The following TNS1 variants were observed in gnomAD, a reference collection of about 807,000 sequenced individuals.
TNS1 encodes the protein tensin 1.
TNS1 carries 62 observed loss-of-function variants against 168.6 expected under a neutral mutation model. That is an observed-to-expected ratio of 0.37 (90% CI 0.30 to 0.45). TNS1 has a LOEUF of 0.45. Ranked by LOEUF, TNS1 falls within the 20% of genes least tolerant of loss-of-function variation. The pLI, the probability that TNS1 is intolerant of heterozygous loss-of-function variation, is 1.00. For synonymous variants in TNS1, 934 were observed against 933.2 expected (o/e 1.00, Z -0.02); for missense variants, 2,240 against 2,339.4 (o/e 0.96, Z 0.88).
rs1377729274 is a variant in TNS1 at position 217,802,839 on chromosome 2, GTATATAT to G, written c.*1613_*1619del. 1.3e-5 allele frequency: 2 copies of G among 152,626 alleles called. No homozygotes were observed. Among genetic ancestry groups the G allele is most frequent in the Non-Finnish European group, 2.9e-5 (2 of 68,052 alleles). 9.5% of individuals were successfully genotyped at this position (152,626 alleles called of 1,614,324 possible). On this transcript the variant is annotated 3_prime_UTR_variant, in exon 33 of 33. Coordinates refer to ENST00000682258, the MANE Select transcript of TNS1 (RefSeq NM_001387777.1). ...TACAGATTCTGTCAGTATGTCTCAT[GTATATAT>G]TATATAATATTTATATATCAGTACA... is the stretch of plus-strand genomic sequence containing the variant.
At chr2:218,021,838 T>A (rs1482392673) in intron 1 of TNS1, among the ~76,000 whole-genome samples, 3 of 152,186 alleles carry the variant, frequency 2.0e-5, no homozygotes, top group African/African-American at 7.2e-5. Flanking sequence ...TGGTCTATTT[T>A]TAGCCAGGAC....
intron 1 of TNS1, among the ~76,000 whole-genome samples, chr2:218,024,747 CTG>C (rs1958838066): frequency 6.6e-6 from 1 of 152,152 alleles, no homozygotes; most frequent in South Asian, 2.1e-4. Flanking sequence ...GTGTAGAAGG[CTG>C]TGTCCAGGGG....
chr2:217,998,219 G>GTCTCTCTC (rs1173660793), intron 1 of TNS1, among the ~76,000 whole-genome samples: 2 of 97,070 alleles, frequency 2.1e-5, no homozygotes, highest in African/African-American at 8.6e-5. Context: ...CTCTCCATCA[G>GTCTCTCTC]TGTCTCTCTC....
At chr2:217,966,554 G>C (rs1957647241) in intron 3 of TNS1, among the ~76,000 whole-genome samples, 1 of 152,098 alleles carries the variant, frequency 6.6e-6, no homozygotes, top group African/African-American at 2.4e-5. Context: ...GGCAAACACG[G>C]GCTCCACAAG....
intron 3 of TNS1, among the ~76,000 whole-genome samples, chr2:217,974,073 A>G (rs1957833721): frequency 6.6e-6 from 1 of 152,270 alleles, no homozygotes; most frequent in East Asian, 1.9e-4. Context: ...TGAACATTCA[A>G]GAACAGGCAA....
At chr2:217,886,673 G>A (rs905722054) in intron 12 of TNS1, 27 bp from the exon 13 acceptor site, 4 of 1,525,678 alleles carry the variant, frequency 2.6e-6, no homozygotes, top group African/African-American at 1.4e-5. Context: ...AGCAGCTTCA[G>A]GGAGTGAGGT....
At chr2:217,822,487 C>A (rs895515729) in intron 22 of TNS1, among the ~76,000 whole-genome samples, 1 of 152,138 alleles carries the variant, frequency 6.6e-6, no homozygotes, top group Admixed American at 6.5e-5. Flanking sequence ...ACTCACCAGC[C>A]CCTTTGATGC....
chr2:218,015,806 C>T (rs1237034999), intron 1 of TNS1, among the ~76,000 whole-genome samples: 1 of 152,122 alleles, frequency 6.6e-6, no homozygotes, highest in African/African-American at 2.4e-5. Context: ...GGGGATCCCA[C>T]AGGCCAGAGC....
At chr2:217,967,643 A>T (rs893776856) in intron 3 of TNS1, among the ~76,000 whole-genome samples, 1 of 152,208 alleles carries the variant, frequency 6.6e-6, no homozygotes, top group African/African-American at 2.4e-5. Flanking sequence ...TAGACCTATA[A>T]TAAATAAAGA....
Position 217,996,435 on chromosome 2 carries a change from G to T in TNS1, c.34-5379C>A, listed in dbSNP as rs188391424. 4.7e-3 allele frequency among the ~76,000 whole-genome samples: 708 copies of T among 152,178 alleles called. 4 individuals carry two copies. The highest frequency in any genetic ancestry group is 0.016 in the African/African-American group (672 of 41,518). On this transcript the variant is annotated intron_variant, in intron 1 of 32. Transcript: ENST00000682258. ...CCAGTGGGGCTGCCGGCTGGCTTCT[G>T]GGAGTCCCATGGGCACCTCAAATCC...
intron 3 of TNS1, 87 bp downstream of exon 3, chr2:217,978,678 G>T: frequency 1.7e-6 from 1 of 588,982 alleles, no homozygotes; most frequent in Non-Finnish European, 3.1e-6. Flanking sequence ...CACCGCCCCC[G>T]CCCCGCCGGC....
intron 3 of TNS1, among the ~76,000 whole-genome samples, chr2:217,966,308 T>TGTGTGCGTGC (rs372273499): frequency 7.5e-6 from 1 of 133,674 alleles, no homozygotes; most frequent in African/African-American, 2.9e-5. Context: ...TGTGTGTGTG[T>TGTGTGCGTGC]GCGCGCGCGC....
At chr2:217,832,405 G>A (rs540764743) in intron 21 of TNS1, among the ~76,000 whole-genome samples, 15 of 152,324 alleles carry the variant, frequency 9.8e-5, no homozygotes, top group African/African-American at 3.1e-4. Context: ...GCCCAGTCAC[G>A]AGATACCTGG....
chr2:218,016,520 G>A (rs770745140), intron 1 of TNS1, among the ~76,000 whole-genome samples: 1 of 152,186 alleles, frequency 6.6e-6, no homozygotes, highest in Non-Finnish European at 1.5e-5. Flanking sequence ...TTACTGCAGT[G>A]TGAGAAGGAG....
At chr2:217,850,819 CCA>C (rs1947382875) in intron 18 of TNS1, among the ~76,000 whole-genome samples, 1 of 152,146 alleles carries the variant, frequency 6.6e-6, no homozygotes, top group Non-Finnish European at 1.5e-5. Context: ...ATGCCAAGAA[CCA>C]CAGTCAGACA....
chr2:217,845,585 G>A (rs915112226), intron 19 of TNS1, among the ~76,000 whole-genome samples: 1 of 152,342 alleles, frequency 6.6e-6, no homozygotes, highest in African/African-American at 2.4e-5. Flanking sequence ...GTCACTCCCA[G>A]TTGATGGAGG....
intron 12 of TNS1, among the ~76,000 whole-genome samples, chr2:217,888,009 T>G (rs1301724166): frequency 6.6e-6 from 1 of 152,208 alleles, no homozygotes; most frequent in Non-Finnish European, 1.5e-5. Flanking sequence ...GATCCCCTCC[T>G]GTCTCTTGGC....
chr2:217,948,132 A>G lies in TNS1; in HGVS notation c.187-27896T>C, dbSNP rs1957158312. On this transcript the variant is annotated intron_variant, in intron 3 of 32. Coordinates refer to ENST00000682258, the MANE Select transcript of TNS1 (RefSeq NM_001387777.1). This position sits in a 1 kb window ranked among gnomAD's most constrained non-coding sequence, Gnocchi z 4.1. ...CCACATCACCCGACTCCCACACTCAAGGAGCCAGACTCTCAGGTTCTTACA... is the reference window on the plus strand; with the variant it reads ...CCACATCACCCGACTCCCACACTCAGGGAGCCAGACTCTCAGGTTCTTACA... Among the ~76,000 whole-genome samples, 1 of 152,174 alleles carries G rather than the reference A, an allele frequency of 6.6e-6. No homozygotes were observed. Among genetic ancestry groups the G allele is most frequent in the African/African-American group, 2.4e-5 (1 of 41,440 alleles).
intron 3 of TNS1, among the ~76,000 whole-genome samples, chr2:217,947,731 A>G (rs958042332): frequency 1.3e-4 from 20 of 152,194 alleles, no homozygotes; most frequent in African/African-American, 4.8e-4. Context: ...GGCAAGGTCC[A>G]AGCTTCGTGA....
Sources: gnomAD v4.1 joint callset for allele counts (sites outside exome capture counted in the v4.1 genomes callset) on GRCh38, gnomAD v4.1.1 for gene constraint, Gnocchi (gnomAD v3.1) non-coding constraint, MANE v1.5 for transcripts, NCBI Gene and HGNC (gene_info 2026-07-23, HGNC 2026-07-21) for gene names.